Variants in GTF2IRD1 observed in about 807,000 individuals in gnomAD.
GTF2IRD1 encodes general transcription factor II-I repeat domain-containing protein 1.
In GTF2IRD1, 26 loss-of-function variants were observed where a neutral mutation model predicts 113.2. The ratio of observed to expected loss-of-function variants is 0.23; its 90% CI spans 0.17 to 0.32. The LOEUF is 0.32. GTF2IRD1 is among the 10% of genes least tolerant of loss of function. The pLI is 1.00. For synonymous variants in GTF2IRD1, 484 were observed against 529.1 expected (o/e 0.91, Z 1.17); for missense variants, 864 against 1,280.8 (o/e 0.67, Z 4.97).
chr7:74,489,353 TTTTA>T (rs1157138915), intron 1 of GTF2IRD1, among the ~76,000 whole-genome samples: 1 of 151,918 alleles, frequency 6.6e-6, no homozygotes, highest in African/African-American at 2.4e-5. Context: ...CAGTCCCTTT[TTTTA>T]TTTGAGACGG....
intron 1 of GTF2IRD1, among the ~76,000 whole-genome samples, chr7:74,463,661 G>T (rs1156858252): frequency 6.6e-6 from 1 of 152,108 alleles, no homozygotes; most frequent in Non-Finnish European, 1.5e-5. Context: ...GGAGCGGGTG[G>T]TGGGGACATG....
Position 74,512,592 on chromosome 7 carries a change from G to A in GTF2IRD1, c.124-238G>A, listed in dbSNP as rs1796701223. Among the ~76,000 whole-genome samples the A allele has an allele frequency of 6.6e-6, 1 of 151,902 alleles. No individual in the cohort carries two copies. ...GCCTACCCCAAGGAGGAGGACCTTG[G>A]AGGGAGGAGCAGAGGACACTTGTCC... is the stretch of plus-strand genomic sequence containing the variant. On this transcript the variant is annotated intron_variant, in intron 2 of 26. Transcript: ENST00000424337. This position sits in a 1 kb window ranked among gnomAD's most constrained non-coding sequence, Gnocchi z 4.4.
At position 74,469,765 on chromosome 7, in the gene GTF2IRD1, G is replaced by A. The variant is rs566408936; in HGVS notation, c.-7+15589G>A. Among the ~76,000 whole-genome samples, 168 of 152,018 alleles carry A rather than the reference G, an allele frequency of 1.1e-3. 1 individual carries two copies. The highest frequency in any genetic ancestry group is 2.1e-3 in the Non-Finnish European group (144 of 67,970). On this transcript the variant is annotated intron_variant, in intron 1 of 26. Transcript: ENST00000424337. The stretch of plus-strand genomic sequence containing the variant: ...GTCACCCAGGCTGGAGTGCTTTGGT[G>A]GGATCATGGCTCACTGCAGCCTCAA...
intron 22 of GTF2IRD1, among the ~76,000 whole-genome samples, chr7:74,587,318 G>A (rs1279198605): frequency 2.6e-5 from 4 of 151,940 alleles, no homozygotes; most frequent in Non-Finnish European, 2.9e-5. Flanking sequence ...TGTGGCAGGC[G>A]CCTGTAGTCC....
intron 25 of GTF2IRD1, 109 bp from the exon 26 acceptor site, chr7:74,600,935 G>A: frequency 8.2e-7 from 1 of 1,223,650 alleles, no homozygotes; most frequent in Non-Finnish European, 1.2e-6. Flanking sequence ...CTGAAATCCT[G>A]AAAGGGGGAC....
intron 5 of GTF2IRD1, 116 bp downstream of exon 5, chr7:74,518,438 C>G: frequency 1.3e-6 from 1 of 773,354 alleles, no homozygotes; most frequent in Non-Finnish European, 2.0e-6. Context: ...CGTGGGGGAC[C>G]CTGGTGGTGA....
intron 1 of GTF2IRD1, among the ~76,000 whole-genome samples, chr7:74,502,893 G>GTAAAAATA (rs1796103472): frequency 6.6e-6 from 1 of 151,920 alleles, no homozygotes; most frequent in Non-Finnish European, 1.5e-5. Flanking sequence ...AGGGCTGGGC[G>GTAAAAATA]CGGTGGCTCA....
In GTF2IRD1 at chr7:74,590,987, A is replaced by G; in HGVS notation, c.2561A>G (p.His854Arg). ...RLEKILKARE[H>R]VRMVIINQLQ... The stretch of plus-strand genomic sequence containing the variant: ...GAGAAGATCCTGAAGGCCCGAGAGC[A>G]TGTCCGCATGGTCATCATTAACCAG... Residue 854 changes from histidine (H) to arginine (R), a missense_variant, in exon 24 of 27, where the codon CAT becomes CGT. By Grantham distance (29) the His-to-Arg change is conservative. Around this residue, in one of 7 missense-constraint regions of GTF2IRD1, gnomAD observed 195 missense variants for 359.1 expected, o/e 0.54. Coordinates refer to ENST00000424337, the MANE Select transcript of GTF2IRD1 (RefSeq NM_005685.4). 5 of 1,612,880 alleles carry G rather than the reference A, an allele frequency of 3.1e-6. No homozygotes were observed. Among genetic ancestry groups the G allele is most frequent in the Non-Finnish European group, 2.5e-6 (3 of 1,179,864 alleles).
chr7:74,565,688 G>C (rs1554360483), intron 22 of GTF2IRD1, among the ~76,000 whole-genome samples: 1 of 151,036 alleles, frequency 6.6e-6, no homozygotes, highest in Non-Finnish European at 1.5e-5. Flanking sequence ...ACCTAAAGGG[G>C]GTCGGGCATG....
At chr7:74,540,282 A>G (rs1185590908) in intron 14 of GTF2IRD1, among the ~76,000 whole-genome samples, 9 of 151,820 alleles carry the variant, frequency 5.9e-5, no homozygotes, top group Non-Finnish European at 1.3e-4. Context: ...GAGTAGCTGG[A>G]ATTACAGGCA....
Position 74,536,253 on chromosome 7 carries a change from C to A in GTF2IRD1, c.1387C>A (p.Leu463Ile). The A allele has an allele frequency of 6.2e-7, 1 of 1,610,418 alleles. No homozygotes were observed. Among genetic ancestry groups the A allele is most frequent in the Non-Finnish European group, 8.5e-7 (1 of 1,176,822 alleles). The change falls in exon 11 of 27, where the codon CTT becomes ATT. Residue 463 changes from leucine (L) to isoleucine (I), a missense_variant. Leu to Ile is a conservative substitution (Grantham distance 5). This residue lies in a region of GTF2IRD1 where 218 missense variants were observed against 352.6 expected (regional missense o/e 0.62). Transcript: ENST00000424337. ...TGCAGAGGTCTCTAGGGCCACCGTC[C>A]TTGACCTTGCTGGGAATGCTCGGTG... ...TSAEVSRATV[L>I]DLAGNARSDK...
chr7:74,493,477 C>G (rs1795481836), intron 1 of GTF2IRD1, among the ~76,000 whole-genome samples: 1 of 152,048 alleles, frequency 6.6e-6, no homozygotes, highest in Non-Finnish European at 1.5e-5. Context: ...CAGAATAATC[C>G]CCTACCTCAA....
At chr7:74,458,702 T>C (rs1372614661) in intron 1 of GTF2IRD1, among the ~76,000 whole-genome samples, 1 of 151,032 alleles carries the variant, frequency 6.6e-6, no homozygotes, top group Non-Finnish European at 1.5e-5. Context: ...TTGCCCACGC[T>C]GGAGTGCAGT....
At chr7:74,476,795 G>A (rs1794440152) in intron 1 of GTF2IRD1, among the ~76,000 whole-genome samples, 1 of 152,138 alleles carries the variant, frequency 6.6e-6, no homozygotes, top group Admixed American at 6.6e-5. Context: ...CCCCACATGA[G>A]GAGCTGATGA....
chr7:74,599,704 CAG>C (rs1185562149), intron 25 of GTF2IRD1, among the ~76,000 whole-genome samples: 3 of 152,116 alleles, frequency 2.0e-5, no homozygotes, highest in Non-Finnish European at 4.4e-5. Context: ...TTGGTAGAGA[CAG>C]GGTTTCAACC....
At chr7:74,572,937 G>T (rs1010323680) in intron 22 of GTF2IRD1, among the ~76,000 whole-genome samples, 6 of 152,114 alleles carry the variant, frequency 3.9e-5, no homozygotes, top group African/African-American at 1.4e-4. Flanking sequence ...CCCAGAGTTG[G>T]CCCGACGCCT....
intron 26 of GTF2IRD1, 141 bp from the exon 27 acceptor site, chr7:74,602,224 A>C: frequency 2.0e-6 from 2 of 976,994 alleles, no homozygotes; most frequent in Admixed American, 3.3e-5. Context: ...CCTGGGCAGA[A>C]GAGTGAAACT....
chr7:74,568,964 A>G (rs587738082), intron 22 of GTF2IRD1, among the ~76,000 whole-genome samples: 1 of 152,302 alleles, frequency 6.6e-6, no homozygotes, highest in South Asian at 2.1e-4. Flanking sequence ...CACTTGGATG[A>G]CGCATCTGTG....
intron 24 of GTF2IRD1, 25 bp downstream of exon 24, chr7:74,591,042 G>A: frequency 6.4e-7 from 1 of 1,559,840 alleles, no homozygotes. Flanking sequence ...TCTGGAACGG[G>A]GAACAGAGAG....
Sources: gnomAD v4.1 joint callset for allele counts (sites outside exome capture counted in the v4.1 genomes callset) on GRCh38, gnomAD v4.1.1 for gene constraint, gnomAD v4.1.1 regional missense constraint, Gnocchi (gnomAD v3.1) non-coding constraint, MANE v1.5 for transcripts, NCBI Gene and HGNC (gene_info 2026-07-23, HGNC 2026-07-21) for gene names.